Variants in OR5P3 observed in about 807,000 individuals in gnomAD.
OR5P3 encodes olfactory receptor family 5 subfamily P member 3.
For missense variants in OR5P3, 415 were observed against 375.6 expected, an observed-to-expected ratio of 1.10 and a Z score of -0.87; for synonymous variants, 172 against 141.8, an observed-to-expected ratio of 1.21 and a Z score of -1.51.
At chr11:7,826,303 G>C (rs1033950489) in intron 1 of OR5P3, among the ~76,000 whole-genome samples, 1 of 151,938 alleles carries the variant, frequency 6.6e-6, no homozygotes, top group Non-Finnish European at 1.5e-5. Context: ...AAAGAATCCA[G>C]TAACTCAATC....
intron 1 of OR5P3, among the ~76,000 whole-genome samples, chr11:7,827,527 T>C (rs1372892749): frequency 1.3e-5 from 2 of 152,144 alleles, no homozygotes; most frequent in Non-Finnish European, 2.9e-5. Context: ...TTAGGGTATA[T>C]GCAAGGTAGA....
intron 1 of OR5P3, among the ~76,000 whole-genome samples, chr11:7,829,274 G>C (rs976092835): frequency 1.3e-5 from 2 of 152,092 alleles, no homozygotes; most frequent in Non-Finnish European, 2.9e-5. Flanking sequence ...CATGTTGATT[G>C]GTTGGGAATA....
At chr11:7,828,185 T>C (rs187351038) in intron 1 of OR5P3, among the ~76,000 whole-genome samples, 23 of 152,232 alleles carry the variant, frequency 1.5e-4, no homozygotes, top group East Asian at 7.7e-4. Flanking sequence ...AGAGAAAACA[T>C]TGTCCTCAGG....
Position 7,825,643 on chromosome 11 carries a change from G to A in OR5P3, c.330C>T (p.Ala110=), listed in dbSNP as rs368647633. The change falls in exon 2 of 2, where the codon GCC becomes GCT. Residue 110 remains alanine, a synonymous_variant. Coordinates refer to ENST00000641167, the MANE Select transcript of OR5P3 (RefSeq NM_153445.2). ...QLCSVVTFGT[A]ECFLLAAMAY... ...CCATGGCAGCCAGCAGGAAGCACTC[G>A]GCCGTACCAAACGTCACTACAGAAC... 23 of 1,612,936 alleles carry A rather than the reference G, an allele frequency of 1.4e-5. No individual in the cohort carries two copies. Among genetic ancestry groups the A allele is most frequent in the East Asian group, 8.9e-5 (4 of 44,884 alleles).
At position 7,825,720 on chromosome 11, in the gene OR5P3, A is replaced by C; in HGVS notation, c.253T>G (p.Phe85Val). 1 of 1,613,228 alleles carries C rather than the reference A, an allele frequency of 6.2e-7. No homozygotes were observed. The highest frequency in any genetic ancestry group is 8.5e-7 in the Non-Finnish European group (1 of 1,180,026). Reference protein sequence around the residue: ...SSVTPVMLMSFLRKETSLPVA... With the variant: ...SSVTPVMLMSVLRKETSLPVA... ...GGGAGAGAGGTTTCTTTCCTTAGGA[A>C]GCTCATGAGCATGACAGGTGTGACT... The change falls in exon 2 of 2, where the codon TTC (phenylalanine) becomes GTC (valine). Residue 85 changes from phenylalanine (F) to valine (V), a missense_variant. By Grantham distance (50) the Phe-to-Val change is conservative. Coordinates refer to ENST00000641167, the MANE Select transcript of OR5P3 (RefSeq NM_153445.2).
chr11:7,827,664 A>C (rs73406698), intron 1 of OR5P3, among the ~76,000 whole-genome samples: 38,700 of 152,016 alleles, frequency 0.25, 5,102 homozygotes, highest in Non-Finnish European at 0.27. Flanking sequence ...TCTACCAGTG[A>C]AAACAAGCAG....
Sources: allele counts gnomAD v4.1 joint callset (sites outside exome capture counted in the v4.1 genomes callset), GRCh38; gene constraint gnomAD v4.1.1; transcripts MANE v1.5; gene names NCBI Gene and HGNC (gene_info 2026-07-23, HGNC 2026-07-21).